NSUN7: variants seen among roughly 807,000 people sequenced by gnomAD.
NSUN7 encodes protein NSUN7.
In NSUN7, 39 loss-of-function variants were observed where a neutral mutation model predicts 58.5. That is an observed-to-expected ratio of 0.67 (90% confidence interval 0.52 to 0.87). The LOEUF is 0.87. Among genes scored for constraint, NSUN7 ranks in the 40% least tolerant of loss-of-function variants. The pLI, the probability that NSUN7 is intolerant of heterozygous loss-of-function variation, is 0.00. For synonymous variants in NSUN7, 278 were observed against 303.7 expected, an observed-to-expected ratio of 0.92 and a Z score of 0.88; for missense variants, 765 against 844.1, an observed-to-expected ratio of 0.91 and a Z score of 1.16.
At chr4:40,759,061 G>A (rs1240192960) in intron 2 of NSUN7, among the ~76,000 whole-genome samples, 1 of 152,090 alleles carries the variant, frequency 6.6e-6, no homozygotes, top group Non-Finnish European at 1.5e-5. Context: ...TCTAATCCCA[G>A]CACTTTGGGA....
rs1419646587 is a variant in NSUN7 at position 40,808,787 on chromosome 4, C to T, written c.2005C>T (p.Arg669Trp). 3 of 1,549,388 alleles carry T rather than the reference C, an allele frequency of 1.9e-6. No individual in the cohort carries two copies. Among genetic ancestry groups the T allele is most frequent in the South Asian group, 1.2e-5 (1 of 83,856 alleles). Residue 669 changes from arginine (R) to tryptophan (W), a missense_variant, in exon 12 of 12, where the codon CGG (arginine) becomes TGG (tryptophan). By Grantham distance (101) the Arg-to-Trp change is moderately radical. Transcript: ENST00000381782. ...TTCAAGTCCCCAAGGGATCAGATCT[C>T]GGATGCCAACTCAACATTTGTACTG... ...PFSSPQGIRS[R>W]MPTQHLYCRW...
chr4:40,796,169 C>T (rs1743318264), intron 9 of NSUN7, among the ~76,000 whole-genome samples: 1 of 152,152 alleles, frequency 6.6e-6, no homozygotes, highest in South Asian at 2.1e-4. Flanking sequence ...GCCTGGACAA[C>T]ATGGTGAAAC....
rs1740790809 is a variant in NSUN7 at position 40,750,862 on chromosome 4, A to T, written c.169A>T (p.Ile57Phe). Reference sequence around the variant, plus strand: ...CATGGCAGCCAACATTTTTCAGGGTATTCGAATCGAAAAGTCGGCACAGAA... The same window carrying T: ...CATGGCAGCCAACATTTTTCAGGGTTTTCGAATCGAAAAGTCGGCACAGAA... ...YVMAANIFQG[I>F]RIEKSAQKVL... The change falls in exon 2 of 12, where the codon ATT (isoleucine) becomes TTT (phenylalanine). Residue 57 changes from isoleucine to phenylalanine, a missense_variant. Ile to Phe is a conservative substitution (Grantham distance 21, BLOSUM62 0). Coordinates refer to ENST00000381782, the MANE Select transcript of NSUN7 (RefSeq NM_024677.6). The T allele has an allele frequency of 6.2e-7, 1 of 1,614,218 alleles. No homozygotes were observed. Among genetic ancestry groups the T allele is most frequent in the Non-Finnish European group, 8.5e-7 (1 of 1,180,026 alleles).
At chr4:40,771,825 C>T (rs902653982) in intron 4 of NSUN7, among the ~76,000 whole-genome samples, 6 of 150,820 alleles carry the variant, frequency 4.0e-5, no homozygotes, top group Non-Finnish European at 8.9e-5. Context: ...AAAAGATAAT[C>T]AGGCAGCTCT....
At chr4:40,756,211 A>G (rs2465562) in intron 2 of NSUN7, among the ~76,000 whole-genome samples, 1,889 of 152,356 alleles carry the variant, frequency 0.012, 41 homozygotes, top group African/African-American at 0.043. Flanking sequence ...AGGCCTGCTG[A>G]GCAGGAAGAG....
intron 2 of NSUN7, among the ~76,000 whole-genome samples, chr4:40,754,062 C>T (rs1025158897): frequency 3.3e-4 from 50 of 152,042 alleles, no homozygotes; most frequent in East Asian, 1.9e-4. Context: ...TTTAAATTAT[C>T]AGTAATTCTT....
At chr4:40,754,857 C>G (rs920581664) in intron 2 of NSUN7, among the ~76,000 whole-genome samples, 2 of 152,086 alleles carry the variant, frequency 1.3e-5, no homozygotes, top group Admixed American at 6.6e-5. Flanking sequence ...TGTTCCTTTG[C>G]TGATGTCCTT....
chr4:40,801,901 C>CAAAAAAA (rs56868885), intron 10 of NSUN7, among the ~76,000 whole-genome samples: 12 of 107,282 alleles, frequency 1.1e-4, no homozygotes, highest in Non-Finnish European at 1.6e-4. Flanking sequence ...GACTCTGTCT[C>CAAAAAAA]AAAAAAAAAA....
At chr4:40,787,668 C>T (rs1284818504) in intron 7 of NSUN7, among the ~76,000 whole-genome samples, 1 of 152,068 alleles carries the variant, frequency 6.6e-6, no homozygotes, top group Non-Finnish European at 1.5e-5. Flanking sequence ...AATAGAAAAT[C>T]TTCCCACCCA....
intron 7 of NSUN7, among the ~76,000 whole-genome samples, chr4:40,790,071 T>C (rs1336497230): frequency 6.6e-6 from 1 of 151,114 alleles, no homozygotes; most frequent in East Asian, 1.9e-4. Context: ...CACCTTTTTT[T>C]TTTTTTTTTT....
At chr4:40,789,227 AT>A (rs1365780931) in intron 7 of NSUN7, among the ~76,000 whole-genome samples, 1 of 152,230 alleles carries the variant, frequency 6.6e-6, no homozygotes, top group South Asian at 2.1e-4. Context: ...GTTAAACTGC[AT>A]TCTAGGAAAA....
chr4:40,752,743 A>T (rs114862908), intron 2 of NSUN7, among the ~76,000 whole-genome samples: 2,219 of 24,896 alleles, frequency 0.089, 48 homozygotes, highest in African/African-American at 0.33. Flanking sequence ...TTTTAAAATT[A>T]AAAAAAAATG....
intron 11 of NSUN7, among the ~76,000 whole-genome samples, chr4:40,807,536 G>C (rs1361005676): frequency 6.6e-6 from 1 of 151,946 alleles, no homozygotes; most frequent in South Asian, 2.1e-4. Context: ...TTTTAGTAGA[G>C]ACGGGGTTTC....
In NSUN7 at chr4:40,808,402, A is replaced by T; in HGVS notation, c.1620A>T (p.Lys540Asn). Residue 540 changes from lysine to asparagine, a missense_variant, in exon 12 of 12, where the codon AAA (lysine) becomes AAT (asparagine). Physicochemically the swap from Lys to Asn is moderately conservative, Grantham distance 94. Coordinates refer to ENST00000381782, the MANE Select transcript of NSUN7 (RefSeq NM_024677.6). ...LDGIELGKSS[K>N]REKKKKKSKT... ...GGATTGAGTTGGGTAAATCATCAAA[A>T]CGGGAGAAGAAGAAGAAAAAATCAA... The T allele has an allele frequency of 6.2e-7, 1 of 1,614,136 alleles. No homozygotes were observed. Among genetic ancestry groups the T allele is most frequent in the Non-Finnish European group, 8.5e-7 (1 of 1,180,018 alleles).
intron 11 of NSUN7, among the ~76,000 whole-genome samples, chr4:40,807,779 A>C (rs62303771): frequency 0.79 from 119,856 of 152,000 alleles, 47,492 homozygotes; most frequent in Admixed American, 0.83. Context: ...TGGGGGCTCA[A>C]GCCTGTAAGC....
Position 40,811,063 on chromosome 4 carries a change from G to A in NSUN7, c.*2124G>A, listed in dbSNP as rs1744300255. The A allele has an allele frequency of 6.6e-6, 1 of 152,140 alleles. No individual in the cohort carries two copies. Among genetic ancestry groups the A allele is most frequent in the Admixed American group, 6.5e-5 (1 of 15,284 alleles). 9.4% of individuals were successfully genotyped at this position (152,140 alleles called of 1,614,324 possible). On this transcript the variant is annotated 3_prime_UTR_variant, in exon 12 of 12. Transcript: ENST00000381782. ...GGATAATTTTCTGATCTCTACAGTA[G>A]CATGTGAAGTCACAATTTGTTGCCA...
intron 9 of NSUN7, among the ~76,000 whole-genome samples, chr4:40,794,830 C>T (rs2437310): frequency 0.5 from 76,182 of 151,968 alleles, 19,321 homozygotes; most frequent in Admixed American, 0.61. Context: ...CTACCCTTAA[C>T]AACTCTTCTA....
chr4:40,763,371 C>A (rs1244034699), intron 4 of NSUN7, among the ~76,000 whole-genome samples: 1 of 146,608 alleles, frequency 6.8e-6, no homozygotes, highest in Non-Finnish European at 1.5e-5. Context: ...TATTAGGCAG[C>A]CTGACTCCCA....
intron 7 of NSUN7, among the ~76,000 whole-genome samples, chr4:40,788,721 C>A (rs577514025): frequency 6.6e-6 from 1 of 152,232 alleles, no homozygotes; most frequent in East Asian, 1.9e-4. Flanking sequence ...CAGCATATTC[C>A]TTTGGTAACC....
Sources: gnomAD v4.1 joint callset for allele counts (sites outside exome capture counted in the v4.1 genomes callset) on GRCh38, gnomAD v4.1.1 for gene constraint, MANE v1.5 for transcripts, NCBI Gene and HGNC (gene_info 2026-07-23, HGNC 2026-07-21) for gene names.